CTNNA3: variants seen among roughly 807,000 people sequenced by gnomAD.
The protein encoded by CTNNA3 is catenin alpha 3, also known as catenin alpha-3.
CTNNA3 carries 76 observed loss-of-function variants against 95.7 expected under a neutral mutation model. The ratio of observed to expected loss-of-function variants is 0.79; its 90% CI spans 0.66 to 0.96. CTNNA3 has a LOEUF of 0.96. CTNNA3 is among the 40% of genes least tolerant of loss of function. The probability of loss-of-function intolerance (pLI) is 0.00; values close to 1 mark genes in which losing one functional copy is unlikely to be tolerated. For missense variants in CTNNA3, 1,191 were observed against 1,089.8 expected, an observed-to-expected ratio of 1.09 and a Z score of -1.31; for synonymous variants, 431 against 374.4, an observed-to-expected ratio of 1.15 and a Z score of -1.74.
chr10:66,312,292 T>A (rs1332459105), intron 12 of CTNNA3, among the ~76,000 whole-genome samples: 1 of 152,134 alleles, frequency 6.6e-6, no homozygotes, highest in East Asian at 1.9e-4. Flanking sequence ...ATTTTCTACA[T>A]CTCACTATGT....
intron 12 of CTNNA3, among the ~76,000 whole-genome samples, chr10:66,287,882 G>A (rs969587057): frequency 6.6e-6 from 1 of 152,050 alleles, no homozygotes; most frequent in South Asian, 2.1e-4. Flanking sequence ...ACGTGGGGCT[G>A]AGGAAATAGT....
upstream of CTNNA3, among the ~76,000 whole-genome samples, chr10:67,699,042 C>A (rs1337799626): frequency 2.0e-5 from 3 of 152,220 alleles, no homozygotes; most frequent in Admixed American, 1.3e-4. Flanking sequence ...TGCAAGAAGT[C>A]CTCTTGCTCT....
At chr10:66,046,653 A>T (rs1232540684) in intron 15 of CTNNA3, among the ~76,000 whole-genome samples, 1 of 152,178 alleles carries the variant, frequency 6.6e-6, no homozygotes, top group African/African-American at 2.4e-5. Flanking sequence ...ACACGCAAAA[A>T]ATTCAAAAGA....
At chr10:67,632,157 C>T (rs1839164006) in intron 2 of CTNNA3, among the ~76,000 whole-genome samples, 1 of 145,508 alleles carries the variant, frequency 6.9e-6, no homozygotes. Flanking sequence ...CACACACACA[C>T]ACACACACAG....
At chr10:67,268,991 T>A (rs548375556) in intron 5 of CTNNA3, among the ~76,000 whole-genome samples, 6 of 152,156 alleles carry the variant, frequency 3.9e-5, no homozygotes, top group Non-Finnish European at 5.9e-5. Context: ...GATTTGAACA[T>A]CTGAATCCAG....
intron 5 of CTNNA3, among the ~76,000 whole-genome samples, chr10:67,468,157 T>C (rs1847674847): frequency 6.6e-6 from 1 of 152,044 alleles, no homozygotes; most frequent in South Asian, 2.1e-4. Flanking sequence ...CCGTTGGTGT[T>C]TTTCTTGATC....
intron 9 of CTNNA3, among the ~76,000 whole-genome samples, chr10:66,672,237 A>G (rs1846687984): frequency 6.6e-6 from 1 of 152,112 alleles, no homozygotes; most frequent in Non-Finnish European, 1.5e-5. Flanking sequence ...TTGGTCATTC[A>G]TTTTTTATCA....
intron 1 of CTNNA3, among the ~76,000 whole-genome samples, chr10:67,688,016 T>G (rs2133581678): frequency 6.6e-6 from 1 of 152,284 alleles, no homozygotes; most frequent in South Asian, 2.1e-4. Flanking sequence ...ACCAGGTATC[T>G]CCAAACTCTC....
At chr10:65,987,201 T>C (rs938441738) in intron 16 of CTNNA3, among the ~76,000 whole-genome samples, 2 of 151,976 alleles carry the variant, frequency 1.3e-5, no homozygotes, top group Non-Finnish European at 2.9e-5. Flanking sequence ...CATGGGATTA[T>C]ATCAAACTAA....
intron 7 of CTNNA3, among the ~76,000 whole-genome samples, chr10:67,064,768 T>G (rs1182116909): frequency 1.3e-5 from 2 of 152,198 alleles, no homozygotes; most frequent in African/African-American, 4.8e-5. Flanking sequence ...GTATGGAAGA[T>G]GACAGTAATT....
intron 10 of CTNNA3, among the ~76,000 whole-genome samples, chr10:66,591,896 G>A (rs1843564068): frequency 6.6e-6 from 1 of 152,030 alleles, no homozygotes; most frequent in Admixed American, 6.6e-5. Flanking sequence ...CAGAATAAGA[G>A]TATGTTAGTT....
At chr10:66,230,780 G>A (rs945760230) in intron 13 of CTNNA3, among the ~76,000 whole-genome samples, 1 of 152,126 alleles carries the variant, frequency 6.6e-6, no homozygotes, top group African/African-American at 2.4e-5. Flanking sequence ...GAATGAGTGT[G>A]TCAGGTCACT....
At chr10:66,078,009 T>C (rs189270820) in intron 14 of CTNNA3, among the ~76,000 whole-genome samples, 2 of 151,988 alleles carry the variant, frequency 1.3e-5, no homozygotes, top group African/African-American at 4.8e-5. Flanking sequence ...AGGACTTCAG[T>C]GACCTCATCA....
rs188001243 is a variant in CTNNA3 at position 67,716,807 on chromosome 10, A to G, written c.-2+46627T>C. Among the ~76,000 whole-genome samples the G allele has an allele frequency of 1.8e-3, 270 of 152,286 alleles. 1 individual carries two copies. The highest frequency in any genetic ancestry group is 6.3e-3 in the African/African-American group (261 of 41,554). On this transcript the variant is annotated intron_variant, in intron 1 of 17. Coordinates refer to the CTNNA3 transcript ENST00000684154. ...ATGTGTGCATGTGTGTTTAGAGTAG[A>G]ATGACTTATAATCCTTTAGGTATAT...
Position 67,307,691 on chromosome 10 carries a change from C to T in CTNNA3, c.580-87821G>A, listed in dbSNP as rs145779268. Among the ~76,000 whole-genome samples, 28 of 152,214 alleles carry T rather than the reference C, an allele frequency of 1.8e-4. 1 individual carries two copies. Among genetic ancestry groups the T allele is most frequent in the African/African-American group, 6.7e-4 (28 of 41,512 alleles). ...TATCAGATATTGAGTCCTGCTTTGC[C>T]TATCACCTCTTTCTAAGACTGAGTG... On this transcript the variant is annotated intron_variant, in intron 5 of 17. Transcript: ENST00000433211.
At chr10:66,381,191 T>C (rs1435006915) in intron 11 of CTNNA3, among the ~76,000 whole-genome samples, 1 of 152,194 alleles carries the variant, frequency 6.6e-6, no homozygotes, top group African/African-American at 2.4e-5. Flanking sequence ...TGATCTTCCA[T>C]GCCTCTGTCC....
At chr10:65,988,160 A>G (rs1184728416) in intron 16 of CTNNA3, among the ~76,000 whole-genome samples, 1 of 152,150 alleles carries the variant, frequency 6.6e-6, no homozygotes, top group Non-Finnish European at 1.5e-5. Flanking sequence ...GTATTTAAAA[A>G]TAGCTATATG....
chr10:65,960,672 T>A (rs1174746267), intron 17 of CTNNA3, among the ~76,000 whole-genome samples: 1 of 152,210 alleles, frequency 6.6e-6, no homozygotes, highest in Admixed American at 6.5e-5. Context: ...CTTACCCCTC[T>A]CCCTCTTACC....
intron 1 of CTNNA3, among the ~76,000 whole-genome samples, chr10:67,684,168 A>G (rs1840683995): frequency 6.6e-6 from 1 of 152,140 alleles, no homozygotes; most frequent in South Asian, 2.1e-4. Flanking sequence ...CAGAGTGCTG[A>G]TTGGTCCGTT....
Sources: allele counts gnomAD v4.1 joint callset (sites outside exome capture counted in the v4.1 genomes callset), GRCh38; gene constraint gnomAD v4.1.1; transcripts MANE v1.5; gene names NCBI Gene and HGNC (gene_info 2026-07-23, HGNC 2026-07-21).